Variants in DUOX2 observed in about 807,000 individuals in gnomAD.
The protein encoded by DUOX2 is dual oxidase 2.
A neutral mutation model predicts 183.3 loss-of-function variants in DUOX2; 185 were observed. That is an observed-to-expected ratio of 1.01 (90% CI 0.90 to 1.14). The LOEUF is 1.14. Ranked by LOEUF, DUOX2 falls within the 50% of genes most tolerant of loss-of-function variation. The pLI, the probability that DUOX2 is intolerant of heterozygous loss-of-function variation, is 0.00. For missense variants in DUOX2, 1,999 were observed against 2,022.9 expected (o/e 0.99, Z 0.23); for synonymous variants, 788 against 812.4 (o/e 0.97, Z 0.51).
intron 18 of DUOX2, among the ~76,000 whole-genome samples, chr15:45,104,812 C>A (rs1894172875): frequency 6.6e-6 from 1 of 152,076 alleles, no homozygotes; most frequent in Non-Finnish European, 1.5e-5. Flanking sequence ...ATGTAACAAC[C>A]ATTTATTGTT....
rs1253692831 is a variant in DUOX2, at chr15:45,095,441, T to C, written c.4235A>G (p.Lys1412Arg). The change falls in exon 31 of 34, where the codon AAG (lysine) becomes AGG (arginine). Residue 1412 changes from lysine to arginine, a missense_variant. Lys to Arg is a conservative substitution (Grantham distance 26). Transcript: ENST00000389039. ...KSSLGSQMLC[K>R]KIYFIWVTRT... ...GAATGAGGGAGGGATGCTCACCTTC[T>C]TACACAGCATTTGGCTGCCCAAGGA... 14 of 1,614,196 alleles carry C rather than the reference T, an allele frequency of 8.7e-6. No homozygotes were observed. Among genetic ancestry groups the C allele is most frequent in the Non-Finnish European group, 1.1e-5 (13 of 1,180,048 alleles).
intron 23 of DUOX2, chr15:45,100,525 G>T: frequency 1.6e-6 from 1 of 613,726 alleles, no homozygotes; most frequent in East Asian, 2.8e-5. Flanking sequence ...GGAGCCAGGA[G>T]ACCCCTTACT....
chr15:45,101,725 C>T, intron 21 of DUOX2, 68 bp downstream of exon 21: 2 of 1,603,724 alleles, frequency 1.2e-6, no homozygotes, highest in South Asian at 1.1e-5. Context: ...TGGGTCCTGC[C>T]CACCAGGAAC....
At chr15:45,110,915 AATC>A (rs1226710236) in intron 7 of DUOX2, among the ~76,000 whole-genome samples, 193 bp downstream of exon 7, 1 of 150,576 alleles carries the variant, frequency 6.6e-6, no homozygotes, top group Non-Finnish European at 1.5e-5. Flanking sequence ...GGTGATAAAT[AATC>A]ATCACCAGCC....
rs1314957201 is a variant in DUOX2 at position 45,097,604 on chromosome 15, A to G, written c.3693+10T>C. 6.2e-7 allele frequency: 1 copy of G among 1,614,260 alleles called. No individual in the cohort carries two copies. The highest frequency in any genetic ancestry group is 1.3e-5 in the African/African-American group (1 of 75,074). On this transcript the variant is annotated intron_variant, in intron 28 of 33. Coordinates refer to ENST00000389039, the MANE Select transcript of DUOX2 (RefSeq NM_001363711.2). ...CCTGCTCCATGGGCTGGCCCAGGGA[A>G]GTCCCTCACCAGGGCATAGAGCAGG...
chr15:45,109,922 G>T lies in DUOX2; in HGVS notation c.1099C>A (p.Leu367Ile). ...LNKGFQSSQA[L>I]RVCNNYWIRE... ...ATCCAGTAGTTGTTGCAGACCCTGA[G>T]AGCTTGGGAGCTTTGAAAACCCTTG... is the stretch of plus-strand genomic sequence containing the variant. The change falls in exon 10 of 34, where the codon CTC (leucine) becomes ATC (isoleucine). Residue 367 changes from leucine (L) to isoleucine (I), a missense_variant. This residue lies in a region of DUOX2 where 1,628 missense variants were observed against 1,608.6 expected (regional missense o/e 1.01). Transcript: ENST00000389039. 1 of 1,614,176 alleles carries T rather than the reference G, an allele frequency of 6.2e-7. No individual in the cohort carries two copies. Among genetic ancestry groups the T allele is most frequent in the Non-Finnish European group, 8.5e-7 (1 of 1,180,042 alleles).
At position 45,112,535 on chromosome 15, in the gene DUOX2, T is replaced by C. The variant is rs767075190; in HGVS notation, c.325+19A>G. 3.7e-6 allele frequency: 6 copies of C among 1,611,102 alleles called. No homozygotes were observed. In the Middle Eastern group the frequency reaches 8.6e-4, roughly 232 times the overall value. ...CAGAGCGCCAGATCAACCCCACTGGTCTCCCCCTTTGCCCTCACCAAAGAA... is the reference window on the plus strand; with the variant it reads ...CAGAGCGCCAGATCAACCCCACTGGCCTCCCCCTTTGCCCTCACCAAAGAA... On this transcript the variant is annotated intron_variant, in intron 4 of 33. Coordinates refer to ENST00000389039, the MANE Select transcript of DUOX2 (RefSeq NM_001363711.2).
chr15:45,110,392 T>C lies in DUOX2; in HGVS notation c.1040+36A>G, dbSNP rs368195994. 1.8e-5 allele frequency: 28 copies of C among 1,577,820 alleles called. No individual in the cohort carries two copies. In the African/African-American group the frequency reaches 3.4e-4, roughly 19 times the overall value. On this transcript the variant is annotated intron_variant, in intron 9 of 33. Coordinates refer to ENST00000389039, the MANE Select transcript of DUOX2 (RefSeq NM_001363711.2). ...AAGGCAGCTCATTCTGCACCTTTCTTAGTGTGGTGCCCCTCTCTGCCAACC... is the reference window on the plus strand; with the variant it reads ...AAGGCAGCTCATTCTGCACCTTTCTCAGTGTGGTGCCCCTCTCTGCCAACC...
In DUOX2 at chr15:45,105,747, G is replaced by C. The variant is rs764697779; in HGVS notation, c.2230C>G (p.Leu744Val). 2 of 1,614,098 alleles carry C rather than the reference G, an allele frequency of 1.2e-6. No homozygotes were observed. Among genetic ancestry groups the C allele is most frequent in the East Asian group, 4.5e-5 (2 of 44,898 alleles). Residue 744 changes from leucine to valine, a missense_variant, in exon 18 of 34, where the codon CTC becomes GTC. By Grantham distance (32) the Leu-to-Val change is conservative (BLOSUM62 1). This residue lies in a region of DUOX2 where 1,628 missense variants were observed against 1,608.6 expected (regional missense o/e 1.01). Coordinates refer to ENST00000389039, the MANE Select transcript of DUOX2 (RefSeq NM_001363711.2). Reference protein sequence around the residue: ...WDFCVRWALGLHVAEMSEKEL... With the variant: ...WDFCVRWALGVHVAEMSEKEL... ...TTCTCGCTCATCTCAGCCACATGGA[G>C]GCCCAGAGCCCAGCGCACGCAGAAG...
At chr15:45,102,853 A>G (rs1220887907) in intron 20 of DUOX2, among the ~76,000 whole-genome samples, 1 of 152,224 alleles carries the variant, frequency 6.6e-6, no homozygotes, top group Non-Finnish European at 1.5e-5. Context: ...GTGGTGGCAC[A>G]TGCCTGTAAT....
intron 19 of DUOX2, 22 bp from the exon 20 acceptor site, chr15:45,104,075 C>T: frequency 6.2e-7 from 1 of 1,614,074 alleles, no homozygotes; most frequent in South Asian, 1.1e-5. Context: ...AAAGGGAATG[C>T]AGGTCATCTC....
intron 20 of DUOX2, 57 bp from the exon 21 acceptor site, chr15:45,102,046 G>A (rs1894098057): frequency 1.9e-6 from 3 of 1,598,038 alleles, no homozygotes; most frequent in East Asian, 4.5e-5. Flanking sequence ...GGCTTGGGTA[G>A]GTGCAGGGTG....
At position 45,095,557 on chromosome 15, in the gene DUOX2, C is replaced by A. The variant is rs200872016; in HGVS notation, c.4119G>T (p.Glu1373Asp). 1.9e-5 allele frequency: 31 copies of A among 1,614,120 alleles called. No individual in the cohort carries two copies. The highest frequency in any genetic ancestry group is 2.6e-5 in the Non-Finnish European group (31 of 1,180,052). Residue 1373 changes from glutamate (E) to aspartate (D), a missense_variant, in exon 31 of 34, where the codon GAG (glutamate) becomes GAT (aspartate). Physicochemically the swap from Glu to Asp is conservative, Grantham distance 45. This residue lies in a region of DUOX2 where 1,628 missense variants were observed against 1,608.6 expected (regional missense o/e 1.01). Coordinates refer to ENST00000389039, the MANE Select transcript of DUOX2 (RefSeq NM_001363711.2). The stretch of plus-strand genomic sequence containing the variant: ...ACACTGACACCTCAAATTTATGCCA[C>A]TCCTGATGGCCCTCTCCAAACGGTC... Reference protein sequence around the residue: ...LDGPFGEGHQEWHKFEVSVLV... With the variant: ...LDGPFGEGHQDWHKFEVSVLV...
intron 17 of DUOX2, 137 bp downstream of exon 17, chr15:45,105,988 G>A: frequency 2.2e-6 from 3 of 1,369,444 alleles, no homozygotes; most frequent in Non-Finnish European, 3.0e-6. Context: ...GTTGTGTCTG[G>A]GGGCCTCTGA....
chr15:45,106,662 C>G, intron 15 of DUOX2, 21 bp from the exon 16 acceptor site: 2 of 1,613,572 alleles, frequency 1.2e-6, no homozygotes. Flanking sequence ...TCAGAAGGAA[C>G]AGTGAGGAGG....
chr15:45,104,275 C>T lies in DUOX2; in HGVS notation c.2425G>A (p.Ala809Thr), dbSNP rs753523569. ...REALTCELSR[A>T]EFAESLGLKP... ...AGGCCCAGGGACTCGGCAAACTCGG[C>T]CCTGCTCAGCTCGCAGGTCAGGGCC... The change falls in exon 19 of 34, where the codon GCC becomes ACC. Residue 809 changes from alanine to threonine, a missense_variant. Coordinates refer to ENST00000389039, the MANE Select transcript of DUOX2 (RefSeq NM_001363711.2). The T allele has an allele frequency of 2.5e-6, 4 of 1,613,992 alleles. No homozygotes were observed. The South Asian group carries it at 3.3e-5, about 13-fold the overall frequency.
chr15:45,105,860 G>T (rs1372833040), intron 17 of DUOX2, 32 bp from the exon 18 acceptor site: 1 of 1,612,926 alleles, frequency 6.2e-7, no homozygotes. Context: ...CTGACGCAGG[G>T]AGCTCGCTGG....
intron 16 of DUOX2, 99 bp from the exon 17 acceptor site, chr15:45,106,426 T>G: frequency 1.3e-6 from 2 of 1,581,016 alleles, no homozygotes; most frequent in Non-Finnish European, 1.7e-6. Context: ...GCCCTAAAGG[T>G]GCCTTGGCTT....
Position 45,099,459 on chromosome 15 carries a change from C to G in DUOX2, c.3439G>C (p.Val1147Leu). The change falls in exon 26 of 34, where the codon GTC becomes CTC. Residue 1147 changes from valine (V) to leucine (L), a missense_variant. Physicochemically the swap from Val to Leu is conservative, Grantham distance 32. Around this residue, in one of 3 missense-constraint regions of DUOX2, gnomAD observed 1,628 missense variants for 1,608.6 expected, o/e 1.01. Transcript: ENST00000389039. ...LAILHSAGHAVNVYIFSVSPL... is the reference protein window; with the variant it reads ...LAILHSAGHALNVYIFSVSPL... Reference sequence around the variant, plus strand: ...CTGACTGAGAAGATGTAGACATTGACTGCGTGGCCAGCACTGTGCAAAACT... The same window carrying G: ...CTGACTGAGAAGATGTAGACATTGAGTGCGTGGCCAGCACTGTGCAAAACT... 1 of 1,614,058 alleles carries G rather than the reference C, an allele frequency of 6.2e-7. No individual in the cohort carries two copies. Among genetic ancestry groups the G allele is most frequent in the South Asian group, 1.1e-5 (1 of 91,084 alleles).
Sources: gnomAD v4.1 joint callset for allele counts (sites outside exome capture counted in the v4.1 genomes callset) on GRCh38, gnomAD v4.1.1 for gene constraint, gnomAD v4.1.1 regional missense constraint, MANE v1.5 for transcripts, NCBI Gene and HGNC (gene_info 2026-07-23, HGNC 2026-07-21) for gene names.